Variants in HMGCS2 observed in about 807,000 individuals in gnomAD.
HMGCS2 encodes hydroxymethylglutaryl-CoA synthase, mitochondrial.
A neutral mutation model predicts 57.4 loss-of-function variants in HMGCS2; 50 were observed. That is an observed-to-expected ratio of 0.87 (90% CI 0.69 to 1.10). HMGCS2 has a LOEUF of 1.10. Ranked by LOEUF, HMGCS2 falls within the 50% of genes least tolerant of loss-of-function variation. The pLI is 0.00. For synonymous variants in HMGCS2, 254 were observed against 245.1 expected (o/e 1.04, Z -0.34); for missense variants, 627 against 636.5 (o/e 0.99, Z 0.16).
chr1:119,752,121 C>T (rs1169326534), intron 8 of HMGCS2, among the ~76,000 whole-genome samples: 1 of 152,090 alleles, frequency 6.6e-6, no homozygotes, highest in Non-Finnish European at 1.5e-5. Flanking sequence ...CCTGCAAAAT[C>T]GGTATGATTT....
intron 1 of HMGCS2, among the ~76,000 whole-genome samples, chr1:119,765,747 C>A (rs1274448816): frequency 7.4e-6 from 1 of 135,524 alleles, no homozygotes; most frequent in East Asian, 2.2e-4. Flanking sequence ...CCTCTAATTA[C>A]ATGTCTTTCT....
chr1:119,764,162 C>T lies in HMGCS2; in HGVS notation c.559+10G>A, dbSNP rs772442367. The stretch of plus-strand genomic sequence containing the variant: ...CACCTTTCTTACATAAGGTTCGTGG[C>T]CGTACATACCATCCCAGGAACTGGA... On this transcript the variant is annotated intron_variant, in intron 2 of 9. Coordinates refer to ENST00000369406, the MANE Select transcript of HMGCS2 (RefSeq NM_005518.4). 1 of 1,611,718 alleles carries T rather than the reference C, an allele frequency of 6.2e-7. No individual in the cohort carries two copies. Among genetic ancestry groups the T allele is most frequent in the Non-Finnish European group, 8.5e-7 (1 of 1,179,094 alleles).
In HMGCS2 at chr1:119,757,398, G is replaced by A. The variant is rs1048438; in HGVS notation, c.891C>T (p.Tyr297=). The change falls in exon 5 of 10, where the codon TAC becomes TAT. Residue 297 remains tyrosine, a synonymous_variant. Coordinates refer to ENST00000369406, the MANE Select transcript of HMGCS2 (RefSeq NM_005518.4). ...DRPFTLDDLQ[Y]MIFHTPFCKM... ...TGCAAAAGGGTGTATGAAAGATCAT[G>A]TACTGTAAATCGTCAAGGGTGAAGG... The A allele has an allele frequency of 1.1e-5, 18 of 1,614,152 alleles. No homozygotes were observed. In the South Asian group the frequency reaches 1.4e-4, roughly 13 times the overall value.
rs1170811310 is a variant in HMGCS2 at position 119,768,761 on chromosome 1, C to T, written c.84G>A (p.Leu28=). The T allele has an allele frequency of 6.2e-7, 1 of 1,613,576 alleles. No homozygotes were observed. Reference sequence around the variant, plus strand: ...CTCACCTTTGGTGGGCTACTGGGAGCAGGCGAGCAGGTGTGAGGGAGGTTT... The same window carrying T: ...CTCACCTTTGGTGGGCTACTGGGAGTAGGCGAGCAGGTGTGAGGGAGGTTT... ...VQETSLTPAR[L]LPVAHQRFST... The change falls in exon 1 of 10, where the codon CTG becomes CTA. Residue 28 remains leucine (L), a synonymous_variant. Coordinates refer to ENST00000369406, the MANE Select transcript of HMGCS2 (RefSeq NM_005518.4).
At chr1:119,765,083 T>C (rs1302353473) in intron 1 of HMGCS2, among the ~76,000 whole-genome samples, 1 of 152,226 alleles carries the variant, frequency 6.6e-6, no homozygotes, top group Non-Finnish European at 1.5e-5. Flanking sequence ...TAGTTGGAAC[T>C]AAATCTTTTT....
At position 119,753,260 on chromosome 1, in the gene HMGCS2, A is replaced by G; in HGVS notation, c.1294+20T>C. 1.4e-6 allele frequency: 2 copies of G among 1,458,506 alleles called. No individual in the cohort carries two copies. The highest frequency in any genetic ancestry group is 1.4e-5 in the African/African-American group (1 of 72,054). The allele number at this position is 1,458,506 out of a possible 1,614,324, so 90.3% of individuals were successfully genotyped here. A position where few individuals can be genotyped will look rare whatever the true frequency, so the allele number is the denominator to read the frequency against. Reference sequence around the variant, plus strand: ...CAGATGAATCTTGTCAGGAAGGCCTACTAGAAAGATGACACTCACCTGGAG... The same window carrying G: ...CAGATGAATCTTGTCAGGAAGGCCTGCTAGAAAGATGACACTCACCTGGAG... On this transcript the variant is annotated intron_variant, in intron 7 of 9. Transcript: ENST00000369406.
intron 4 of HMGCS2, among the ~76,000 whole-genome samples, chr1:119,757,833 ACT>A (rs1652902051): frequency 6.6e-6 from 1 of 152,218 alleles, no homozygotes; most frequent in Non-Finnish European, 1.5e-5. Flanking sequence ...TGTCTCTCTC[ACT>A]CTGAAGAAGA....
chr1:119,759,038 A>G, intron 4 of HMGCS2, 80 bp downstream of exon 4: 2 of 1,357,916 alleles, frequency 1.5e-6, no homozygotes, highest in East Asian at 4.6e-5. Context: ...AGGAGAGAAA[A>G]GACCATCTCA....
intron 6 of HMGCS2, among the ~76,000 whole-genome samples, chr1:119,753,865 T>A (rs1054116041): frequency 6.6e-6 from 1 of 151,004 alleles, no homozygotes; most frequent in Admixed American, 6.6e-5. Context: ...CCATAAGCAC[T>A]TTTTCCTGCC....
Position 119,759,253 on chromosome 1 carries a change from A to G in HMGCS2, c.715T>C (p.Tyr239His). The G allele has an allele frequency of 1.2e-6, 2 of 1,614,062 alleles. No homozygotes were observed. The highest frequency in any genetic ancestry group is 2.2e-5 in the East Asian group (1 of 44,884). The change falls in exon 4 of 10, where the codon TAT becomes CAT. Residue 239 changes from tyrosine to histidine, a missense_variant. Coordinates refer to ENST00000369406, the MANE Select transcript of HMGCS2 (RefSeq NM_005518.4). ...GLRGTHMENV[Y>H]DFYKPNLASE... Reference sequence around the variant, plus strand: ...GCCAAATTTGGTTTGTAGAAGTCATACACATTCTCCATATGGGTTCCCCTC... The same window carrying G: ...GCCAAATTTGGTTTGTAGAAGTCATGCACATTCTCCATATGGGTTCCCCTC...
At chr1:119,755,711 T>C in intron 5 of HMGCS2, 114 bp from the exon 6 acceptor site, 1 of 934,754 alleles carries the variant, frequency 1.1e-6, no homozygotes, top group East Asian at 2.4e-5. Flanking sequence ...TTTCCTACAA[T>C]ATTTGGAAAT....
At chr1:119,756,517 G>T (rs1557990534) in intron 5 of HMGCS2, among the ~76,000 whole-genome samples, 1 of 152,128 alleles carries the variant, frequency 6.6e-6, no homozygotes, top group African/African-American at 2.4e-5. Context: ...GCTACACTTG[G>T]TAGCCTATTC....
intron 9 of HMGCS2, among the ~76,000 whole-genome samples, chr1:119,749,619 T>G (rs1196008068): frequency 6.6e-6 from 1 of 152,078 alleles, no homozygotes; most frequent in African/African-American, 2.4e-5. Flanking sequence ...CCTAACAACA[T>G]CTGGGCTGCA....
intron 2 of HMGCS2, among the ~76,000 whole-genome samples, chr1:119,761,085 G>A (rs1391960797): frequency 6.7e-5 from 10 of 148,610 alleles, no homozygotes; most frequent in East Asian, 3.9e-4. Context: ...GTGTGTGTGT[G>A]TATATATATA....
intron 1 of HMGCS2, among the ~76,000 whole-genome samples, chr1:119,768,366 C>G (rs1653308571): frequency 6.6e-6 from 1 of 152,196 alleles, no homozygotes; most frequent in Admixed American, 6.5e-5. Flanking sequence ...ACTGGTTTTA[C>G]TAACACTGCA....
chr1:119,764,735 T>G, intron 1 of HMGCS2, 109 bp from the exon 2 acceptor site: 1 of 851,754 alleles, frequency 1.2e-6, no homozygotes, highest in Non-Finnish European at 1.9e-6. Context: ...TGAAGCTATG[T>G]TATCAGATGA....
Position 119,764,183 on chromosome 1 carries a change from C to G in HMGCS2, c.548G>C (p.Ser183Thr). 1 of 1,613,290 alleles carries G rather than the reference C, an allele frequency of 6.2e-7. No homozygotes were observed. Among genetic ancestry groups the G allele is most frequent in the South Asian group, 1.1e-5 (1 of 91,040 alleles). Residue 183 changes from serine to threonine, a missense_variant, in exon 2 of 10, where the codon AGT becomes ACT. By Grantham distance (58) the Ser-to-Thr change is moderately conservative. Coordinates refer to ENST00000369406, the MANE Select transcript of HMGCS2 (RefSeq NM_005518.4). ...GTGGCCGTACATACCATCCCAGGAA[C>G]TGGACTCCATCCAGTTGGCAGCATT... ...LFNAANWMESSSWDGRYAMVV... is the reference protein window; with the variant it reads ...LFNAANWMESTSWDGRYAMVV...
chr1:119,754,672 T>G (rs10923897), intron 6 of HMGCS2, among the ~76,000 whole-genome samples: 12,621 of 152,240 alleles, frequency 0.083, 709 homozygotes, highest in Admixed American at 0.19. Context: ...CATGCTACAG[T>G]TGGGGAAGGT....
At chr1:119,767,143 G>A (rs1370876780) in intron 1 of HMGCS2, among the ~76,000 whole-genome samples, 2 of 152,142 alleles carry the variant, frequency 1.3e-5, no homozygotes, top group East Asian at 3.9e-4. Context: ...AAAAGAAGAG[G>A]GTGAGGTTCT....
Sources: allele counts gnomAD v4.1 joint callset (sites outside exome capture counted in the v4.1 genomes callset), GRCh38; gene constraint gnomAD v4.1.1; transcripts MANE v1.5; gene names NCBI Gene and HGNC (gene_info 2026-07-23, HGNC 2026-07-21).